Variants in USP29 observed in about 807,000 individuals in gnomAD.
USP29 encodes ubiquitin specific peptidase 29, also known as ubiquitin carboxyl-terminal hydrolase 29.
For synonymous variants in USP29, 386 were observed against 387.4 expected (o/e 1.00, Z 0.04); for missense variants, 1,102 against 1,069.0 (o/e 1.03, Z -0.43).
At position 57,128,834 on chromosome 19, in the gene USP29, G is replaced by A; in HGVS notation, c.159G>A (p.Leu53=). 6.2e-7 allele frequency: 1 copy of A among 1,613,990 alleles called. No homozygotes were observed. Among genetic ancestry groups the A allele is most frequent in the East Asian group, 2.2e-5 (1 of 44,844 alleles). ...KSGKFIRIFQ[L]SNNIRSVVLR... ...GAAAATTTATAAGAATTTTTCAGCTGAGCAACAACATTAGAAGTGTGGTCC... is the reference window on the plus strand; with the variant it reads ...GAAAATTTATAAGAATTTTTCAGCTAAGCAACAACATTAGAAGTGTGGTCC... Residue 53 remains leucine, a synonymous_variant, in exon 4 of 4, where the codon CTG becomes CTA. Coordinates refer to ENST00000254181, the MANE Select transcript of USP29 (RefSeq NM_020903.3).
At chr19:57,119,283 G>T (rs1421027452), upstream of USP29, 2 of 152,234 alleles carry the variant, frequency 1.3e-5, no homozygotes, top group African/African-American at 4.8e-5. Flanking sequence ...AAGACTTGGG[G>T]GCTTGTGGCC....
At chr19:57,119,300 T>A (rs2146947156), upstream of USP29, 1 of 152,306 alleles carries the variant, frequency 6.6e-6, no homozygotes, top group East Asian at 1.9e-4. Flanking sequence ...GGCCGAGTTG[T>A]TTTAGTTTTC....
chr19:57,124,799 G>A (rs550240497), intron 3 of USP29, among the ~76,000 whole-genome samples: 180 of 152,200 alleles, frequency 1.2e-3, no homozygotes, highest in African/African-American at 4.2e-3. Flanking sequence ...GTGAGCCACC[G>A]TGCCCAGACA....
At position 57,129,556 on chromosome 19, in the gene USP29, G is replaced by A. The variant is rs2086843479; in HGVS notation, c.881G>A (p.Cys294Tyr). Residue 294 changes from cysteine (C) to tyrosine (Y), a missense_variant, in exon 4 of 4, where the codon TGT becomes TAT. Coordinates refer to ENST00000254181, the MANE Select transcript of USP29 (RefSeq NM_020903.3). Reference sequence around the variant, plus strand: ...GGGTTCCCCAATTTGGGAAACACCTGTTACATGAATGCAGTTTTACAATCG... The same window carrying A: ...GGGTTCCCCAATTTGGGAAACACCTATTACATGAATGCAGTTTTACAATCG... The part of the protein sequence containing the change: ...QQGFPNLGNT[C>Y]YMNAVLQSLF... 2 of 1,614,102 alleles carry A rather than the reference G, an allele frequency of 1.2e-6. No homozygotes were observed.
chr19:57,129,192 C>A lies in USP29; in HGVS notation c.517C>A (p.Leu173Ile). The A allele has an allele frequency of 6.2e-7, 1 of 1,613,350 alleles. No individual in the cohort carries two copies. Among genetic ancestry groups the A allele is most frequent in the Non-Finnish European group, 8.5e-7 (1 of 1,179,622 alleles). ...ENQGGKGQNT[L>I]SSDVQTNEDI... ...TCAAGGTGGGAAGGGGCAAAACACACTATCATCTGATGTACAGACAAATGA... is the reference window on the plus strand; with the variant it reads ...TCAAGGTGGGAAGGGGCAAAACACAATATCATCTGATGTACAGACAAATGA... Residue 173 changes from leucine to isoleucine, a missense_variant, in exon 4 of 4, where the codon CTA (leucine) becomes ATA (isoleucine). Coordinates refer to ENST00000254181, the MANE Select transcript of USP29 (RefSeq NM_020903.3).
At chr19:57,127,288 T>C (rs2086828716) in intron 3 of USP29, among the ~76,000 whole-genome samples, 1 of 152,216 alleles carries the variant, frequency 6.6e-6, no homozygotes, top group Admixed American at 6.5e-5. Context: ...AGAGCTGTTG[T>C]GCTGTGCTGG....
chr19:57,126,230 G>A (rs2086823689), intron 3 of USP29, among the ~76,000 whole-genome samples: 1 of 152,092 alleles, frequency 6.6e-6, no homozygotes, highest in African/African-American at 2.4e-5. Flanking sequence ...TGACGATTAT[G>A]TGTCTTGGGG....
chr19:57,128,448 C>T (rs1050165010), intron 3 of USP29, among the ~76,000 whole-genome samples: 1 of 152,126 alleles, frequency 6.6e-6, no homozygotes, highest in East Asian at 1.9e-4. Context: ...TATTCTTTCT[C>T]GCCTAACAGC....
At position 57,120,964 on chromosome 19, in the gene USP29, G is replaced by A. The variant is rs1006076810; in HGVS notation, c.-268+735G>A. Among the ~76,000 whole-genome samples the A allele has an allele frequency of 1.1e-4, 17 of 151,024 alleles. 1 individual carries two copies. In the Middle Eastern group the frequency reaches 0.01, roughly 93 times the overall value. ...CAAAAAATTAGCCAGGCGTGGTGGC[G>A]GGCTCCTGTAATCCCAGCTACTCAG... On this transcript the variant is annotated intron_variant, in intron 1 of 3. Coordinates refer to ENST00000254181, the MANE Select transcript of USP29 (RefSeq NM_020903.3).
At chr19:57,121,506 T>C (rs139120686) in intron 1 of USP29, among the ~76,000 whole-genome samples, 20 of 129,372 alleles carry the variant, frequency 1.5e-4, no homozygotes, top group Middle Eastern at 4.5e-3. Flanking sequence ...CTTATATATG[T>C]TATATATACT....
At chr19:57,119,641 T>C (rs546595660), upstream of USP29, among the ~76,000 whole-genome samples, 1 of 152,216 alleles carries the variant, frequency 6.6e-6, no homozygotes, top group South Asian at 2.1e-4. Context: ...CAGGCTAATA[T>C]CAAACTCCTG....
intron 3 of USP29, among the ~76,000 whole-genome samples, chr19:57,125,027 G>A (rs2086816744): frequency 6.6e-6 from 1 of 152,118 alleles, no homozygotes; most frequent in Non-Finnish European, 1.5e-5. Flanking sequence ...ATTTTGAGCT[G>A]TTTTAGCCCA....
At chr19:57,122,188 T>G (rs1483022699) in intron 1 of USP29, 137 bp from the exon 2 acceptor site, 1 of 152,182 alleles carries the variant, frequency 6.6e-6, no homozygotes, top group Admixed American at 6.6e-5. Flanking sequence ...ACAAATATTT[T>G]AAACTCTTAC....
intron 3 of USP29, 21 bp from the exon 4 acceptor site, chr19:57,128,639 A>G (rs758555160): frequency 6.6e-7 from 1 of 1,522,128 alleles, no homozygotes; most frequent in East Asian, 2.3e-5. Context: ...GTTAAAATGC[A>G]TGTGTGCTTT....
intron 1 of USP29, among the ~76,000 whole-genome samples, chr19:57,121,115 C>T (rs1267994091): frequency 7.0e-6 from 1 of 143,702 alleles, no homozygotes; most frequent in African/African-American, 2.6e-5. Flanking sequence ...CCTCACCTCC[C>T]GCCAAAAAAA....
intron 3 of USP29, among the ~76,000 whole-genome samples, chr19:57,124,996 G>A (rs1458187474): frequency 1.3e-5 from 2 of 152,146 alleles, no homozygotes; most frequent in African/African-American, 4.8e-5. Flanking sequence ...ATTAGCAATA[G>A]GAATATGATG....
chr19:57,122,513 A>ATGTGTGTGTGTGTG (rs761754087), intron 2 of USP29, 39 bp downstream of exon 2: 4 of 135,528 alleles, frequency 3.0e-5, no homozygotes, highest in Non-Finnish European at 4.7e-5. Flanking sequence ...GGGTGATGGG[A>ATGTGTGTGTGTGTG]TGTGTGTGTG....
Position 57,129,099 on chromosome 19 carries a change from A to G in USP29, c.424A>G (p.Ser142Gly), listed in dbSNP as rs1244941732. Reference protein sequence around the residue: ...TSFYSICNKPSYQKMPLFMSK... With the variant: ...TSFYSICNKPGYQKMPLFMSK... ...ATTTTACAGCATTTGTAACAAGCCA[A>G]GTTATCAGAAGATGCCTTTGTTTAT... The change falls in exon 4 of 4, where the codon AGT becomes GGT. Residue 142 changes from serine (S) to glycine (G), a missense_variant. By Grantham distance (56) the Ser-to-Gly change is moderately conservative (BLOSUM62 0). Transcript: ENST00000254181. 26 of 1,612,190 alleles carry G rather than the reference A, an allele frequency of 1.6e-5. No individual in the cohort carries two copies. The highest frequency in any genetic ancestry group is 2.0e-5 in the Non-Finnish European group (24 of 1,179,162).
Position 57,129,480 on chromosome 19 carries a change from T to G in USP29, c.805T>G (p.Cys269Gly). ...AGAGCACAGCCAGGGTGACCCAAGA[T>G]GCAACAAAGCCCAGGTGCCTCTTGA... ...EPEHSQGDPR[C>G]NKAQVPLDSH... Residue 269 changes from cysteine (C) to glycine (G), a missense_variant, in exon 4 of 4, where the codon TGC becomes GGC. Physicochemically the swap from Cys to Gly is radical, Grantham distance 159. Coordinates refer to ENST00000254181, the MANE Select transcript of USP29 (RefSeq NM_020903.3). 1 of 1,614,216 alleles carries G rather than the reference T, an allele frequency of 6.2e-7. No individual in the cohort carries two copies.
Sources: allele counts gnomAD v4.1 joint callset (sites outside exome capture counted in the v4.1 genomes callset), GRCh38; gene constraint gnomAD v4.1.1; transcripts MANE v1.5; gene names NCBI Gene and HGNC (gene_info 2026-07-23, HGNC 2026-07-21).